MRTFA: variants seen among roughly 807,000 people sequenced by gnomAD.
The protein encoded by MRTFA is myocardin related transcription factor A, also known as myocardin-related transcription factor A.
Under a neutral mutation model 83.5 loss-of-function variants are expected in MRTFA, and 20 were observed. That is an observed-to-expected ratio of 0.24 (90% CI 0.17 to 0.35). The LOEUF is 0.35. MRTFA is among the 10% of genes least tolerant of loss of function. The pLI, the probability that MRTFA is intolerant of heterozygous loss-of-function variation, is 1.00. For missense variants in MRTFA, 1,200 were observed against 1,224.7 expected (o/e 0.98, Z 0.30); for synonymous variants, 659 against 541.2 (o/e 1.22, Z -3.02).
intron 4 of MRTFA, 95 bp downstream of exon 4, chr22:40,463,126 C>A: frequency 9.2e-7 from 1 of 1,081,284 alleles, no homozygotes. Flanking sequence ...ACGCATCATC[C>A]TTGTTTTATG....
At chr22:40,589,108 G>C (rs1602468067) in intron 2 of MRTFA, among the ~76,000 whole-genome samples, 1 of 152,262 alleles carries the variant, frequency 6.6e-6, no homozygotes, top group Non-Finnish European at 1.5e-5. Context: ...TGGTTGGGGG[G>C]TGTATGGTTA....
chr22:40,443,285 T>G (rs1384365049), intron 4 of MRTFA, among the ~76,000 whole-genome samples: 1 of 151,774 alleles, frequency 6.6e-6, no homozygotes, highest in Non-Finnish European at 1.5e-5. Flanking sequence ...CAAAAAAAAC[T>G]TAATGTACTA....
intron 1 of MRTFA, among the ~76,000 whole-genome samples, chr22:40,635,859 G>C (rs893923187): frequency 2.0e-5 from 3 of 152,178 alleles, no homozygotes; most frequent in African/African-American, 7.2e-5. Flanking sequence ...GCAGGTTTGG[G>C]AGTCGACTCA....
At chr22:40,607,489 G>A (rs1185517481) in intron 1 of MRTFA, among the ~76,000 whole-genome samples, 2 of 146,542 alleles carry the variant, frequency 1.4e-5, no homozygotes, top group African/African-American at 5.0e-5. Context: ...GGGCGACAGA[G>A]CGAGACTCCG....
intron 1 of MRTFA, among the ~76,000 whole-genome samples, chr22:40,606,348 T>C (rs1404972764): frequency 6.6e-6 from 1 of 152,342 alleles, no homozygotes; most frequent in African/African-American, 2.4e-5. Flanking sequence ...TACTCAGTCA[T>C]TTGAAAAACA....
intron 3 of MRTFA, among the ~76,000 whole-genome samples, chr22:40,487,746 C>A (rs909664074): frequency 6.6e-6 from 1 of 152,100 alleles, no homozygotes; most frequent in Admixed American, 6.6e-5. Flanking sequence ...TTCTGGAGGC[C>A]AGAATCGTTA....
At chr22:40,555,617 A>C (rs1219131984) in intron 2 of MRTFA, among the ~76,000 whole-genome samples, 1 of 151,124 alleles carries the variant, frequency 6.6e-6, no homozygotes, top group African/African-American at 2.4e-5. Flanking sequence ...CACTCACTGA[A>C]TCCTATGTAG....
chr22:40,505,485 C>CGATACA (rs1255984136), intron 3 of MRTFA, among the ~76,000 whole-genome samples: 2 of 152,070 alleles, frequency 1.3e-5, no homozygotes, highest in South Asian at 2.1e-4. Flanking sequence ...TTAAAGTGCC[C>CGATACA]GATACAAGAG....
At chr22:40,571,479 G>A (rs184225707) in intron 2 of MRTFA, among the ~76,000 whole-genome samples, 1 of 152,088 alleles carries the variant, frequency 6.6e-6, no homozygotes, top group African/African-American at 2.4e-5. Flanking sequence ...ATAATATCAA[G>A]AGGTGAAAAA....
Position 40,416,557 on chromosome 22 carries a change from C to T in MRTFA, c.2578+429G>A, listed in dbSNP as rs773453689. 2.6e-5 allele frequency among the ~76,000 whole-genome samples: 4 copies of T among 152,240 alleles called. No homozygotes were observed. The highest frequency in any genetic ancestry group is 4.8e-5 in the African/African-American group (2 of 41,462). On this transcript the variant is annotated intron_variant, in intron 14 of 14. Coordinates refer to ENST00000355630, the MANE Select transcript of MRTFA (RefSeq NM_020831.6). The surrounding 1 kb of genome is among the most constrained non-coding windows in gnomAD (Gnocchi z 4.2). ...CCCGCCAGGTACTCCCGAGGCCGCACAGATGCACACAGCTGCCCCTGCTCA... is the reference window on the plus strand; with the variant it reads ...CCCGCCAGGTACTCCCGAGGCCGCATAGATGCACACAGCTGCCCCTGCTCA...
At chr22:40,536,153 A>G (rs968469877) in intron 3 of MRTFA, among the ~76,000 whole-genome samples, 39 of 151,606 alleles carry the variant, frequency 2.6e-4, no homozygotes, top group African/African-American at 9.2e-4. Context: ...GAAAAAGAAA[A>G]AAAGCCAGGT....
chr22:40,547,114 C>T (rs993979988), intron 3 of MRTFA, among the ~76,000 whole-genome samples: 16 of 151,922 alleles, frequency 1.1e-4, no homozygotes, highest in African/African-American at 3.6e-4. Context: ...GAGACTGTGC[C>T]ACTGCACTCC....
intron 3 of MRTFA, among the ~76,000 whole-genome samples, chr22:40,520,451 G>A (rs1381739632): frequency 2.6e-5 from 4 of 151,832 alleles, no homozygotes; most frequent in Admixed American, 2.0e-4. Context: ...TGTCACCCAG[G>A]CTAGAGTGCA....
At chr22:40,435,652 G>C (rs1025423428) in intron 4 of MRTFA, 98 bp from the exon 5 acceptor site, 1 of 1,381,398 alleles carries the variant, frequency 7.2e-7, no homozygotes, top group African/African-American at 1.4e-5. Flanking sequence ...CATGTTACTG[G>C]CTGGGCGTGG....
At chr22:40,623,709 ATT>A (rs1260107148) in intron 1 of MRTFA, among the ~76,000 whole-genome samples, 2 of 152,212 alleles carry the variant, frequency 1.3e-5, no homozygotes, top group African/African-American at 4.8e-5. Flanking sequence ...ACAAAGGATA[ATT>A]TTTGAGTACT....
chr22:40,480,743 C>CTTT lies in MRTFA; in HGVS notation c.242-17460_242-17458dup, dbSNP rs758150714. Among the ~76,000 whole-genome samples the CTTT allele has an allele frequency of 2.3e-3, 218 of 93,504 alleles. 10 individuals carry two copies. Among genetic ancestry groups the CTTT allele is most frequent in the African/African-American group, 7.5e-3 (156 of 20,880 alleles). 61.3% of individuals were successfully genotyped at this position (93,504 alleles called of 152,430 possible). A position where few individuals can be genotyped will look rare whatever the true frequency, so the allele number is the denominator to read the frequency against. Reference sequence around the variant, plus strand: ...GAGGATCACGCCCAGGAGTTCAAGACTTTTTTTTTTTTTTTTTTTTTTTTG... The same window carrying CTTT: ...GAGGATCACGCCCAGGAGTTCAAGACTTTTTTTTTTTTTTTTTTTTTTTTTTTG... On this transcript the variant is annotated intron_variant, in intron 3 of 14. Coordinates refer to ENST00000355630, the MANE Select transcript of MRTFA (RefSeq NM_020831.6).
In MRTFA at chr22:40,411,460, G is replaced by A. The variant is rs1378942500; in HGVS notation, c.3026C>T (p.Ala1009Val). The change falls in exon 15 of 15, where the codon GCC (alanine) becomes GTC (valine). Residue 1009 changes from alanine to valine, a missense_variant. By Grantham distance (64) the Ala-to-Val change is moderately conservative. Coordinates refer to ENST00000355630, the MANE Select transcript of MRTFA (RefSeq NM_020831.6). ...GAAGTCTGTGGAGAAGAGGCTGGGG[G>A]CTGTGGTGCTGAGGGGGGCTAGGCT... 37 of 1,601,312 alleles carry A rather than the reference G, an allele frequency of 2.3e-5. No individual in the cohort carries two copies. Among genetic ancestry groups the A allele is most frequent in the Non-Finnish European group, 2.9e-5 (34 of 1,170,016 alleles).
chr22:40,448,647 G>A (rs746095228), intron 4 of MRTFA, among the ~76,000 whole-genome samples: 1 of 152,156 alleles, frequency 6.6e-6, no homozygotes, highest in African/African-American at 2.4e-5. Context: ...AGCAGGGAAG[G>A]CTTCAGATCT....
intron 7 of MRTFA, among the ~76,000 whole-genome samples, chr22:40,427,494 T>TTTC (rs1183598831): frequency 6.6e-6 from 1 of 152,206 alleles, no homozygotes; most frequent in Non-Finnish European, 1.5e-5. Flanking sequence ...CCTGAGCCTC[T>TTTC]TTCTCTGAAG....
Sources: allele counts gnomAD v4.1 joint callset (sites outside exome capture counted in the v4.1 genomes callset), GRCh38; gene constraint gnomAD v4.1.1; non-coding constraint Gnocchi (gnomAD v3.1); transcripts MANE v1.5; gene names NCBI Gene and HGNC (gene_info 2026-07-23, HGNC 2026-07-21).